Variants in HERPUD2 observed in about 807,000 individuals in gnomAD.
The protein encoded by HERPUD2 is homocysteine-responsive endoplasmic reticulum-resident ubiquitin-like domain member 2 protein.
In HERPUD2, 13 loss-of-function variants were observed where a neutral mutation model predicts 49.9. That is an observed-to-expected ratio of 0.26 (90% CI 0.17 to 0.41). The LOEUF is 0.41. Among genes scored for constraint, HERPUD2 ranks in the 10% least tolerant of loss-of-function variants. HERPUD2 has a pLI of 1.00. For missense variants in HERPUD2, 449 were observed against 492.2 expected (o/e 0.91, Z 0.83); for synonymous variants, 172 against 171.4 (o/e 1.00, Z -0.03).
Position 35,670,212 on chromosome 7 carries a change from C to T in HERPUD2, c.339+3G>A. 1 of 1,477,168 alleles carries T rather than the reference C, an allele frequency of 6.8e-7. No homozygotes were observed. The highest frequency in any genetic ancestry group is 1.9e-5 in the Admixed American group (1 of 52,390). The allele number at this position is 1,477,168 out of a possible 1,614,324, so 91.5% of individuals were successfully genotyped here. A position where few individuals can be genotyped will look rare whatever the true frequency, so the allele number is the denominator to read the frequency against. On this transcript the variant is annotated splice_donor_region_variant and intron_variant, in intron 4 of 8. Coordinates refer to ENST00000311350, the MANE Select transcript of HERPUD2 (RefSeq NM_022373.5). The stretch of plus-strand genomic sequence containing the variant: ...AATGTTTACTCCTCCCAAAACAACT[C>T]ACAGAATTGCTGCTGGATGCCAATG...
chr7:35,684,767 G>C (rs1311562345), intron 2 of HERPUD2, among the ~76,000 whole-genome samples: 1 of 151,996 alleles, frequency 6.6e-6, no homozygotes, highest in East Asian at 1.9e-4. Flanking sequence ...AGGGGGTGAG[G>C]GATAAAAGAC....
chr7:35,667,496 A>C lies in HERPUD2; in HGVS notation c.432T>G (p.Arg144=). 2 of 1,614,020 alleles carry C rather than the reference A, an allele frequency of 1.2e-6. No homozygotes were observed. The highest frequency in any genetic ancestry group is 2.7e-5 in the African/African-American group (2 of 75,038). Residue 144 remains arginine (R), a synonymous_variant, in exon 5 of 9, where the codon CGT becomes CGG. Transcript: ENST00000311350. ...VGSSSEGLRQ[R]TLPQAQTDQA... ...GGTCAGTTTGTGCTTGTGGAAGGGT[A>C]CGCTGCCTCAATCCTTCTGAGGAAG...
chr7:35,633,735 G>A lies in HERPUD2; in HGVS notation c.1176C>T (p.Phe392=). ...MASAWSFITT[F]FTSLIPEGPP... ...GCCCCTCTGGTATTAGTGAAGTAAAGAAGGTGGTGATGAAAGACCAAGCTG... is the reference window on the plus strand; with the variant it reads ...GCCCCTCTGGTATTAGTGAAGTAAAAAAGGTGGTGATGAAAGACCAAGCTG... Residue 392 remains phenylalanine, a synonymous_variant, in exon 9 of 9, where the codon TTC becomes TTT. Coordinates refer to ENST00000311350, the MANE Select transcript of HERPUD2 (RefSeq NM_022373.5). 6.2e-7 allele frequency: 1 copy of A among 1,613,932 alleles called. No homozygotes were observed. The highest frequency in any genetic ancestry group is 2.2e-5 in the East Asian group (1 of 44,842).
At chr7:35,650,232 C>T (rs1785134798) in intron 5 of HERPUD2, among the ~76,000 whole-genome samples, 1 of 152,114 alleles carries the variant, frequency 6.6e-6, no homozygotes, top group South Asian at 2.1e-4. Flanking sequence ...TGACAGGAAA[C>T]ACCTACGGCA....
rs758000720 is a variant in HERPUD2 at position 35,635,146 on chromosome 7, T to A, written c.930A>T (p.Leu310=). The A allele has an allele frequency of 5.0e-6, 8 of 1,612,312 alleles. No homozygotes were observed. Among genetic ancestry groups the A allele is most frequent in the East Asian group, 2.2e-5 (1 of 44,862 alleles). The change falls in exon 7 of 9, where the codon CTA becomes CTT. Residue 310 remains leucine, a synonymous_variant. Coordinates refer to ENST00000311350, the MANE Select transcript of HERPUD2 (RefSeq NM_022373.5). ...TGAACATCACTCACAAATAAACCAG[T>A]AGCATGGCTCCCATTACCATGATAA... ...SRFIMVMGAM[L]LVYLHQAGWF... is the part of the protein sequence containing the mutation.
chr7:35,666,347 T>C (rs548621252), intron 5 of HERPUD2, among the ~76,000 whole-genome samples: 2 of 152,386 alleles, frequency 1.3e-5, no homozygotes, highest in African/African-American at 2.4e-5. Context: ...TTGCTATATA[T>C]TCAGCTTTGT....
intron 2 of HERPUD2, among the ~76,000 whole-genome samples, chr7:35,674,970 G>A (rs1785729412): frequency 6.6e-6 from 1 of 152,126 alleles, no homozygotes; most frequent in Admixed American, 6.5e-5. Context: ...CTTGAGTTCT[G>A]TGAGCTGCAC....
intron 5 of HERPUD2, among the ~76,000 whole-genome samples, chr7:35,649,782 G>A (rs1237482621): frequency 1.3e-5 from 2 of 152,236 alleles, no homozygotes; most frequent in South Asian, 4.1e-4. Context: ...CCAGGTAGCA[G>A]CCTTCAGAGA....
chr7:35,677,138 T>C (rs1361612824), intron 2 of HERPUD2, among the ~76,000 whole-genome samples: 2 of 152,188 alleles, frequency 1.3e-5, no homozygotes, highest in Non-Finnish European at 2.9e-5. Context: ...CTCTATGATT[T>C]TGGATTGCCC....
intron 5 of HERPUD2, among the ~76,000 whole-genome samples, chr7:35,654,317 GA>G (rs1008693134): frequency 4.8e-5 from 7 of 145,758 alleles, no homozygotes; most frequent in African/African-American, 1.3e-4. Flanking sequence ...AGGTAACAAA[GA>G]AAAAAAAAGA....
At chr7:35,675,290 G>A (rs1245207774) in intron 2 of HERPUD2, among the ~76,000 whole-genome samples, 1 of 152,196 alleles carries the variant, frequency 6.6e-6, no homozygotes, top group African/African-American at 2.4e-5. Flanking sequence ...TGAGAGCATA[G>A]TAGGAGAAAC....
intron 5 of HERPUD2, among the ~76,000 whole-genome samples, chr7:35,664,789 G>A (rs1038647558): frequency 1.3e-5 from 2 of 152,252 alleles, no homozygotes; most frequent in East Asian, 1.9e-4. Context: ...TTAGCCATTT[G>A]TCTACTCTTT....
chr7:35,635,794 C>T (rs1412458352), intron 6 of HERPUD2, among the ~76,000 whole-genome samples: 1 of 152,190 alleles, frequency 6.6e-6, no homozygotes, highest in Non-Finnish European at 1.5e-5. Context: ...TTCATGAATG[C>T]CCCCTTTTGT....
At chr7:35,656,015 A>G (rs572596062) in intron 5 of HERPUD2, among the ~76,000 whole-genome samples, 1 of 152,246 alleles carries the variant, frequency 6.6e-6, no homozygotes, top group South Asian at 2.1e-4. Context: ...ACAAAAAATT[A>G]GCCGGGCATC....
chr7:35,662,458 C>G (rs887201401), intron 5 of HERPUD2, among the ~76,000 whole-genome samples: 3 of 152,138 alleles, frequency 2.0e-5, no homozygotes, highest in Non-Finnish European at 4.4e-5. Context: ...GGAACCAGCC[C>G]CTCTTTGTAC....
In HERPUD2 at chr7:35,663,588, G is replaced by A. The variant is rs527441667; in HGVS notation, c.494+3846C>T. Among the ~76,000 whole-genome samples the A allele has an allele frequency of 3.9e-5, 6 of 152,290 alleles. No individual in the cohort carries two copies. The East Asian group carries it at 1.2e-3, about 29-fold the overall frequency. On this transcript the variant is annotated intron_variant, in intron 5 of 8. Transcript: ENST00000311350. ...TTGCTTTATGAATCTGGGTCCTCCT[G>A]TATTGGGTGCATATATATTTAAGAT... is the stretch of plus-strand genomic sequence containing the variant.
intron 2 of HERPUD2, among the ~76,000 whole-genome samples, chr7:35,686,997 T>G (rs985060274): frequency 2.0e-5 from 3 of 151,496 alleles, no homozygotes; most frequent in African/African-American, 7.3e-5. Context: ...GAGGCAGAGG[T>G]TGCAGTGAGC....
At chr7:35,687,466 T>C (rs1215915351) in intron 2 of HERPUD2, among the ~76,000 whole-genome samples, 1 of 152,138 alleles carries the variant, frequency 6.6e-6, no homozygotes, top group Non-Finnish European at 1.5e-5. Flanking sequence ...ATCAGCCAAA[T>C]AATAAGACAA....
chr7:35,654,676 T>C (rs964836464), intron 5 of HERPUD2, among the ~76,000 whole-genome samples: 12 of 142,960 alleles, frequency 8.4e-5, no homozygotes, highest in African/African-American at 2.0e-4. Context: ...ACCAAAACTT[T>C]TTTTTTTTTT....
Sources: allele counts gnomAD v4.1 joint callset (sites outside exome capture counted in the v4.1 genomes callset), GRCh38; gene constraint gnomAD v4.1.1; transcripts MANE v1.5; gene names NCBI Gene and HGNC (gene_info 2026-07-23, HGNC 2026-07-21).